KIF16B: variants seen among roughly 807,000 people sequenced by gnomAD.
The protein encoded by KIF16B is kinesin-like protein KIF16B.
KIF16B carries 98 observed loss-of-function variants against 156.3 expected under a neutral mutation model. That is an observed-to-expected ratio of 0.63 (90% CI 0.53 to 0.74). The LOEUF is 0.74. Among genes scored for constraint, KIF16B ranks in the 30% least tolerant of loss-of-function variants. KIF16B has a pLI of 0.00. For synonymous variants in KIF16B, 564 were observed against 583.7 expected, an observed-to-expected ratio of 0.97 and a Z score of 0.49; for missense variants, 1,421 against 1,606.5, an observed-to-expected ratio of 0.88 and a Z score of 1.97.
chr20:16,385,704 C>T (rs1021953958), intron 17 of KIF16B, among the ~76,000 whole-genome samples: 3 of 152,104 alleles, frequency 2.0e-5, no homozygotes, highest in Non-Finnish European at 2.9e-5. Flanking sequence ...AAGGAGGGGC[C>T]TGGGGAGTGG....
intron 15 of KIF16B, among the ~76,000 whole-genome samples, chr20:16,409,824 G>C (rs1027369392): frequency 6.6e-6 from 1 of 150,914 alleles, no homozygotes; most frequent in Admixed American, 6.6e-5. Context: ...ATGGGGTGGG[G>C]AAAAATCATG....
intron 1 of KIF16B, among the ~76,000 whole-genome samples, chr20:16,564,138 G>T (rs1201092753): frequency 6.6e-6 from 1 of 152,188 alleles, no homozygotes; most frequent in African/African-American, 2.4e-5. Flanking sequence ...GGGATCCAGG[G>T]ATGCAGACCA....
chr20:16,498,665 G>A (rs1276128504), intron 10 of KIF16B, among the ~76,000 whole-genome samples: 1 of 151,732 alleles, frequency 6.6e-6, no homozygotes, highest in African/African-American at 2.4e-5. Flanking sequence ...ATTCATGTTA[G>A]TGCTCTCCTA....
chr20:16,431,509 G>A (rs1163390849), intron 12 of KIF16B, among the ~76,000 whole-genome samples: 15 of 152,110 alleles, frequency 9.9e-5, no homozygotes, highest in Admixed American at 9.8e-4. Context: ...TACTGCTTTT[G>A]TGGTTGCTGT....
At chr20:16,562,994 T>C (rs945647186) in intron 1 of KIF16B, among the ~76,000 whole-genome samples, 4 of 152,334 alleles carry the variant, frequency 2.6e-5, no homozygotes, top group South Asian at 2.1e-4. Context: ...AGTGACCAAA[T>C]TACTGATCAA....
intron 17 of KIF16B, among the ~76,000 whole-genome samples, chr20:16,395,863 A>G (rs2065487738): frequency 6.6e-6 from 1 of 152,148 alleles, no homozygotes; most frequent in Non-Finnish European, 1.5e-5. Flanking sequence ...TAAATAAATA[A>G]AAAGGATAGT....
intron 15 of KIF16B, among the ~76,000 whole-genome samples, chr20:16,407,478 C>A (rs1030247015): frequency 1.3e-5 from 2 of 152,124 alleles, no homozygotes; most frequent in African/African-American, 4.8e-5. Flanking sequence ...GATTAAGTGA[C>A]GAGTGGAGCC....
chr20:16,568,833 A>C (rs2071356709), intron 1 of KIF16B, among the ~76,000 whole-genome samples: 2 of 108,774 alleles, frequency 1.8e-5, no homozygotes, highest in Non-Finnish European at 4.6e-5. Context: ...AAAAAAAAAA[A>C]AAAAAAAAAA....
chr20:16,511,243 T>C (rs116882302), intron 6 of KIF16B, among the ~76,000 whole-genome samples, 175 bp downstream of exon 6: 1,757 of 152,324 alleles, frequency 0.012, 15 homozygotes, highest in Middle Eastern at 0.061. Flanking sequence ...GCCAGTGAAG[T>C]ATAAATTCAC....
chr20:16,472,501 C>G (rs922544489), intron 12 of KIF16B, among the ~76,000 whole-genome samples: 1 of 141,582 alleles, frequency 7.1e-6, no homozygotes, highest in African/African-American at 2.7e-5. Context: ...ATAACCCTAA[C>G]GTCATGTAAC....
intron 1 of KIF16B, 58 bp from the exon 2 acceptor site, chr20:16,528,498 A>T (rs1397181862): frequency 6.5e-6 from 8 of 1,226,158 alleles, no homozygotes; most frequent in African/African-American, 3.0e-5. Context: ...AAAACAAAAC[A>T]AAACTAAACC....
At chr20:16,403,442 G>T (rs539486875) in intron 17 of KIF16B, among the ~76,000 whole-genome samples, 29 of 152,326 alleles carry the variant, frequency 1.9e-4, no homozygotes, top group Middle Eastern at 3.4e-3. Flanking sequence ...CATTTCAGAG[G>T]TCTGATTGAT....
rs112875458 is a variant in KIF16B at position 16,380,009 on chromosome 20, T to C, written c.1993A>G (p.Ile665Val). 4.9e-3 allele frequency: 7,832 copies of C among 1,603,886 alleles called. 22 individuals carry two copies. The highest frequency in any genetic ancestry group is 6.0e-3 in the Non-Finnish European group (7,041 of 1,176,252). ...AGTAAATCCTTTAGCTTGTTCTCGA[T>C]GTGGAAGCTGCGGCGTTTGAGGCTC... The part of the protein sequence containing the change: ...EESLKRRSFH[I>V]ENKLKDLLAE... The change falls in exon 19 of 26, where the codon ATC becomes GTC. Residue 665 changes from isoleucine to valine, a missense_variant. Physicochemically the swap from Ile to Val is conservative, Grantham distance 29 (BLOSUM62 3). Transcript: ENST00000354981.
Position 16,490,746 on chromosome 20 carries a change from T to C in KIF16B, c.1302+3545A>G, listed in dbSNP as rs371732353. ...TCCAGCCTCCAGAATTGTGAGCAAA[T>C]AAAAGTCTGTTTTTTAAGCCATCCA... is the stretch of plus-strand genomic sequence containing the variant. On this transcript the variant is annotated intron_variant, in intron 12 of 25. Transcript: ENST00000354981. Among the ~76,000 whole-genome samples the C allele has an allele frequency of 3.7e-4, 56 of 152,194 alleles. 1 individual carries two copies. In the South Asian group the frequency reaches 9.4e-3, roughly 25 times the overall value.
intron 10 of KIF16B, among the ~76,000 whole-genome samples, chr20:16,501,536 A>G (rs1426899471): frequency 6.6e-6 from 1 of 151,980 alleles, no homozygotes; most frequent in Non-Finnish European, 1.5e-5. Context: ...TATGTTCACT[A>G]AAAACATCTA....
chr20:16,380,865 G>A (rs1390972476), intron 18 of KIF16B, among the ~76,000 whole-genome samples: 4 of 152,102 alleles, frequency 2.6e-5, no homozygotes, highest in African/African-American at 4.8e-5. Flanking sequence ...TTTAGGGTTG[G>A]GATGGCCTCC....
intron 15 of KIF16B, 77 bp from the exon 16 acceptor site, chr20:16,406,533 A>C: frequency 8.4e-7 from 1 of 1,190,800 alleles, no homozygotes; most frequent in Non-Finnish European, 1.3e-6. Flanking sequence ...ATGGAATTCT[A>C]CTGTTGAAAT....
chr20:16,512,198 G>A (rs544091449), intron 5 of KIF16B, among the ~76,000 whole-genome samples: 15 of 152,000 alleles, frequency 9.9e-5, no homozygotes, highest in African/African-American at 2.7e-4. Flanking sequence ...ACCATGCTAA[G>A]TACTAGACAT....
At chr20:16,458,491 G>T (rs2067267081) in intron 12 of KIF16B, among the ~76,000 whole-genome samples, 1 of 152,116 alleles carries the variant, frequency 6.6e-6, no homozygotes. Context: ...ATCAATTTTT[G>T]ATTAATGATC....
Sources: gnomAD v4.1 joint callset for allele counts (sites outside exome capture counted in the v4.1 genomes callset) on GRCh38, gnomAD v4.1.1 for gene constraint, MANE v1.5 for transcripts, NCBI Gene and HGNC (gene_info 2026-07-23, HGNC 2026-07-21) for gene names.